ZNF491: variants seen among roughly 807,000 people sequenced by gnomAD.
ZNF491 encodes zinc finger protein 491.
ZNF491 carries 22 observed loss-of-function variants against 34.7 expected under a neutral mutation model. The observed-to-expected ratio is 0.63, with a 90% CI of 0.45 to 0.90. The LOEUF is 0.90. Among genes scored for constraint, ZNF491 ranks in the 40% least tolerant of loss-of-function variants. The pLI is 0.00. For synonymous variants in ZNF491, 148 were observed against 174.3 expected (o/e 0.85, Z 1.19); for missense variants, 559 against 531.7 (o/e 1.05, Z -0.51).
At chr19:11,804,263 G>A (rs1438235078) in intron 1 of ZNF491, among the ~76,000 whole-genome samples, 2 of 151,698 alleles carry the variant, frequency 1.3e-5, no homozygotes, top group African/African-American at 2.4e-5. Flanking sequence ...ATGTCCAGAG[G>A]GTCCATTCCT....
intron 1 of ZNF491, 56 bp from the exon 2 acceptor site, chr19:11,804,486 G>T: frequency 2.7e-6 from 4 of 1,475,050 alleles, no homozygotes; most frequent in South Asian, 1.4e-5. Flanking sequence ...ATAGAGTCTA[G>T]GCCCCCAGTG....
At chr19:11,804,212 A>C (rs1429486876) in intron 1 of ZNF491, among the ~76,000 whole-genome samples, 18 of 150,574 alleles carry the variant, frequency 1.2e-4, no homozygotes, top group Non-Finnish European at 7.4e-5. Context: ...CAGACAAAAA[A>C]AAAAAAAAAA....
intron 1 of ZNF491, among the ~76,000 whole-genome samples, chr19:11,803,143 CG>C (rs1975573866): frequency 6.6e-6 from 1 of 151,870 alleles, no homozygotes; most frequent in Admixed American, 6.6e-5. Flanking sequence ...CCACCACACC[CG>C]GCTAATTTTT....
intron 1 of ZNF491, chr19:11,799,105 G>A (rs1397369567): frequency 2.0e-5 from 3 of 152,306 alleles, no homozygotes; most frequent in Admixed American, 6.5e-5. Flanking sequence ...CAGTTAAAGA[G>A]TTTGTTGGAG....
Position 11,808,163 on chromosome 19 carries a change from C to G in ZNF491, c.*896C>G, listed in dbSNP as rs1257230167. 1.3e-5 allele frequency: 2 copies of G among 159,030 alleles called. No individual in the cohort carries two copies. Among genetic ancestry groups the G allele is most frequent in the Non-Finnish European group, 2.9e-5 (2 of 68,098 alleles). The allele number at this position is 159,030 out of a possible 1,614,324, so 9.9% of individuals were successfully genotyped here. A position where few individuals can be genotyped will look rare whatever the true frequency, so the allele number is the denominator to read the frequency against. ...CTTTGGGAGGCCGAGGTGGGCGGAT[C>G]ACGAGGTCAGGAGTTTGAGACTAGC... On this transcript the variant is annotated 3_prime_UTR_variant, in exon 3 of 3. Coordinates refer to ENST00000323169, the MANE Select transcript of ZNF491 (RefSeq NM_152356.4).
chr19:11,803,971 A>C (rs1180473707), intron 1 of ZNF491, among the ~76,000 whole-genome samples: 1 of 152,018 alleles, frequency 6.6e-6, no homozygotes, highest in Non-Finnish European at 1.5e-5. Flanking sequence ...TTGGGAGGCC[A>C]AGGTGGGCAG....
chr19:11,803,043 T>G (rs950378233), intron 1 of ZNF491, among the ~76,000 whole-genome samples: 5 of 151,110 alleles, frequency 3.3e-5, no homozygotes, highest in African/African-American at 1.2e-4. Flanking sequence ...GTGCAGTGGC[T>G]CTCTCTTGGC....
rs768757224 is a variant in ZNF491 at position 11,808,381 on chromosome 19, C to CA, written c.*1129dup. 6.4e-3 allele frequency among the ~76,000 whole-genome samples: 652 copies of CA among 101,204 alleles called. 3 individuals carry two copies. Among genetic ancestry groups the CA allele is most frequent in the Admixed American group, 0.017 (157 of 9,506 alleles). 66.4% of individuals were successfully genotyped at this position (101,204 alleles called of 152,430 possible). ...TGGACAAGAGAGCAATACTCTGTCT[C>CA]AAAAAAAAAAAAAAAGGTTTATTCA... On this transcript the variant is annotated 3_prime_UTR_variant, in exon 3 of 3. Transcript: ENST00000323169.
chr19:11,804,248 G>T (rs1221178020), intron 1 of ZNF491, among the ~76,000 whole-genome samples: 1 of 151,098 alleles, frequency 6.6e-6, no homozygotes, highest in Non-Finnish European at 1.5e-5. Flanking sequence ...GCACTGGCAG[G>T]TACCATGTCC....
intron 1 of ZNF491, among the ~76,000 whole-genome samples, chr19:11,802,152 T>C (rs757393456): frequency 2.0e-5 from 3 of 152,202 alleles, no homozygotes; most frequent in Non-Finnish European, 4.4e-5. Context: ...TTTGAGATCC[T>C]ACTTTTAATT....
At chr19:11,804,206 CAAAAAAAAAAA>C in intron 1 of ZNF491, among the ~76,000 whole-genome samples, 1 of 69,448 alleles carries the variant, frequency 1.4e-5, no homozygotes, top group South Asian at 7.2e-4. Flanking sequence ...CCATCTCAGA[CAAAAAAAAAAA>C]AAAAAAAAAA....
rs1164497021 is a variant in ZNF491 at position 11,807,276 on chromosome 19, C to T, written c.*9C>T. 6.0e-6 allele frequency: 9 copies of T among 1,488,246 alleles called. No homozygotes were observed. Among genetic ancestry groups the T allele is most frequent in the Non-Finnish European group, 7.1e-6 (8 of 1,119,590 alleles). The allele number at this position is 1,488,246 out of a possible 1,614,324, so 92.2% of individuals were successfully genotyped here. On this transcript the variant is annotated 3_prime_UTR_variant, in exon 3 of 3. Transcript: ENST00000323169. ...ACACTATTAATATATGAGAGAAATG[C>T]TATTTTTTAATTTTTATTTTAATAG...
intron 1 of ZNF491, 93 bp from the exon 2 acceptor site, chr19:11,804,448 TC>T: frequency 7.4e-7 from 1 of 1,359,872 alleles, no homozygotes; most frequent in Non-Finnish European, 9.5e-7. Context: ...ATGTTTGGAG[TC>T]CACAGCATCA....
intron 1 of ZNF491, among the ~76,000 whole-genome samples, chr19:11,802,011 A>C (rs1286375460): frequency 6.6e-6 from 1 of 152,064 alleles, no homozygotes; most frequent in Non-Finnish European, 1.5e-5. Context: ...TAGAGATTGG[A>C]TCTCACTCTG....
chr19:11,801,611 C>T (rs528886780), intron 1 of ZNF491, among the ~76,000 whole-genome samples: 21 of 152,244 alleles, frequency 1.4e-4, no homozygotes, highest in Admixed American at 3.3e-4. Flanking sequence ...ACCAAGATCG[C>T]GCCATTGCCC....
Position 11,806,634 on chromosome 19 carries a change from C to T in ZNF491, c.681C>T (p.Pro227=). 1 of 1,613,848 alleles carries T rather than the reference C, an allele frequency of 6.2e-7. No homozygotes were observed. The highest frequency in any genetic ancestry group is 8.5e-7 in the Non-Finnish European group (1 of 1,179,904). ...CKECGKAFNC[P]SSFHRHERTH... ...AATGTGGGAAAGCCTTCAATTGTCC[C>T]AGTTCTTTTCACAGGCATGAAAGGA... The change falls in exon 3 of 3, where the codon CCC becomes CCT. Residue 227 remains proline (P), a synonymous_variant. Transcript: ENST00000323169.
At position 11,806,825 on chromosome 19, in the gene ZNF491, G is replaced by T; in HGVS notation, c.872G>T (p.Arg291Ile). 6.2e-7 allele frequency: 1 copy of T among 1,609,002 alleles called. No homozygotes were observed. Among genetic ancestry groups the T allele is most frequent in the South Asian group, 1.1e-5 (1 of 90,310 alleles). Residue 291 changes from arginine (R) to isoleucine (I), a missense_variant, in exon 3 of 3, where the codon AGA (arginine) becomes ATA (isoleucine). Physicochemically the swap from Arg to Ile is moderately conservative, Grantham distance 97. Coordinates refer to ENST00000323169, the MANE Select transcript of ZNF491 (RefSeq NM_152356.4). ...CCCAGTTCATTTCAAAGGCATGAAA[G>T]AAGTCACACTGGAGAGAAACCCTAC... ...YSPSSFQRHE[R>I]SHTGEKPYKC...
Position 11,805,775 on chromosome 19 carries a change from C to T in ZNF491, c.-7-172C>T, listed in dbSNP as rs551301295. Among the ~76,000 whole-genome samples, 5 of 151,276 alleles carry T rather than the reference C, an allele frequency of 3.3e-5. No individual in the cohort carries two copies. In the South Asian group the frequency reaches 6.3e-4, roughly 19 times the overall value. On this transcript the variant is annotated intron_variant, in intron 2 of 2. Transcript: ENST00000323169. ...GGTGGGAGGATCACTTGAGCCCAGGCGGTGAAGGCTGCAGTGTGTTATGAT... is the reference window on the plus strand; with the variant it reads ...GGTGGGAGGATCACTTGAGCCCAGGTGGTGAAGGCTGCAGTGTGTTATGAT...
chr19:11,806,166 A>G lies in ZNF491; in HGVS notation c.213A>G (p.Leu71=), dbSNP rs2145101266. The G allele has an allele frequency of 6.2e-7, 1 of 1,614,042 alleles. No homozygotes were observed. Among genetic ancestry groups the G allele is most frequent in the Non-Finnish European group, 8.5e-7 (1 of 1,180,030 alleles). The change falls in exon 3 of 3, where the codon TTA becomes TTG. Residue 71 remains leucine, a synonymous_variant. Transcript: ENST00000323169. ...AACCACATAAGTGTCAGAAATTTTT[A>G]GAGAAGCCATATAAACATAAACAAC... ...GHQPHKCQKF[L]EKPYKHKQRR...
Sources: allele counts gnomAD v4.1 joint callset (sites outside exome capture counted in the v4.1 genomes callset), GRCh38; gene constraint gnomAD v4.1.1; transcripts MANE v1.5; gene names NCBI Gene and HGNC (gene_info 2026-07-23, HGNC 2026-07-21).